The following KIF24 variants were observed in gnomAD, a reference collection of about 807,000 sequenced individuals.
KIF24 encodes the protein kinesin family member 24, also known as kinesin-like protein KIF24.
In KIF24, 81 loss-of-function variants were observed where a neutral mutation model predicts 118.9. The ratio of observed to expected loss-of-function variants is 0.68; its 90% confidence interval spans 0.57 to 0.82. The LOEUF (loss-of-function observed/expected upper bound fraction) is 0.82. Ranked by LOEUF, KIF24 falls within the 40% of genes least tolerant of loss-of-function variation. The pLI is 0.00. For synonymous variants in KIF24, 599 were observed against 610.0 expected, an observed-to-expected ratio of 0.98 and a Z score of 0.27; for missense variants, 1,560 against 1,661.6, an observed-to-expected ratio of 0.94 and a Z score of 1.06.
chr9:34,255,694 TGCCAAA>T (rs1834801357), intron 11 of KIF24, 35 bp downstream of exon 11: 1 of 1,524,624 alleles, frequency 6.6e-7, no homozygotes, highest in Non-Finnish European at 8.9e-7. Flanking sequence ...GGAGGGTGGG[TGCCAAA>T]GGGGCTCAAG....
intron 4 of KIF24, among the ~76,000 whole-genome samples, chr9:34,293,652 T>C (rs1487246419): frequency 1.3e-5 from 2 of 152,032 alleles, no homozygotes; most frequent in African/African-American, 2.4e-5. Flanking sequence ...GGCGGGCACC[T>C]GCAGTCCCAG....
chr9:34,263,621 A>G (rs1279800257), intron 8 of KIF24, among the ~76,000 whole-genome samples: 1 of 152,206 alleles, frequency 6.6e-6, no homozygotes, highest in Non-Finnish European at 1.5e-5. Flanking sequence ...CGTAGAGTCA[A>G]GCATAGATTC....
intron 5 of KIF24, among the ~76,000 whole-genome samples, chr9:34,288,848 C>CCACACA (rs10537521): frequency 0.024 from 3,296 of 138,906 alleles, 151 homozygotes; most frequent in African/African-American, 0.082. Flanking sequence ...CCCAAATAAA[C>CCACACA]CACACACACA....
chr9:34,268,505 C>CTTTT (rs1563939819), intron 8 of KIF24, among the ~76,000 whole-genome samples: 1 of 76,716 alleles, frequency 1.3e-5, no homozygotes, highest in African/African-American at 3.8e-5. Context: ...CTAGGATTTT[C>CTTTT]TTTCTTTTTT....
Position 34,256,858 on chromosome 9 carries a change from C to G in KIF24, c.2749G>C (p.Val917Leu), listed in dbSNP as rs377014366. Residue 917 changes from valine (V) to leucine (L), a missense_variant, in exon 11 of 13, where the codon GTG becomes CTG. Around this residue, in one of 3 missense-constraint regions of KIF24, gnomAD observed 591 missense variants for 655.6 expected, o/e 0.90. Transcript: ENST00000402558. ...GTAGAGTTCTCTCTGCTCCAGTCCA[C>G]GGGCCCCTTACTTGGGCTGCAGCTG... is the stretch of plus-strand genomic sequence containing the variant. ...DHSCSPSKGP[V>L]DWSRENSTSS... The G allele has an allele frequency of 6.8e-6, 11 of 1,613,872 alleles. No individual in the cohort carries two copies. In the African/African-American group the frequency reaches 1.5e-4, roughly 22 times the overall value.
intron 10 of KIF24, among the ~76,000 whole-genome samples, chr9:34,259,048 C>A (rs1185819862): frequency 1.3e-5 from 2 of 152,118 alleles, no homozygotes; most frequent in Non-Finnish European, 2.9e-5. Context: ...CCACAGTCAC[C>A]CACAAAGAGG....
intron 6 of KIF24, among the ~76,000 whole-genome samples, chr9:34,284,783 T>G (rs1835974147): frequency 6.6e-6 from 1 of 152,196 alleles, no homozygotes; most frequent in Non-Finnish European, 1.5e-5. Context: ...CAATGTTCTA[T>G]TTCTTGATCT....
intron 3 of KIF24, among the ~76,000 whole-genome samples, chr9:34,303,010 G>A (rs1425594207): frequency 6.6e-6 from 1 of 151,814 alleles, no homozygotes; most frequent in Non-Finnish European, 1.5e-5. Context: ...TCCTGACTTT[G>A]TGACCCACCT....
intron 5 of KIF24, among the ~76,000 whole-genome samples, chr9:34,289,786 G>A (rs1836182755): frequency 6.6e-6 from 1 of 152,050 alleles, no homozygotes; most frequent in Non-Finnish European, 1.5e-5. Context: ...AGATTATTTA[G>A]AGGAAAAACA....
intron 4 of KIF24, among the ~76,000 whole-genome samples, chr9:34,292,292 CT>C (rs1190791538): frequency 1.3e-5 from 2 of 152,166 alleles, no homozygotes; most frequent in African/African-American, 4.8e-5. Flanking sequence ...GTCTTTTTAT[CT>C]ATTGAAACAT....
At chr9:34,311,959 C>G (rs956294690) in intron 1 of KIF24, among the ~76,000 whole-genome samples, 6 of 151,974 alleles carry the variant, frequency 3.9e-5, no homozygotes, top group Non-Finnish European at 8.8e-5. Context: ...TTTAGATGCT[C>G]AACTTAATGT....
At chr9:34,280,425 C>A (rs1166897016) in intron 6 of KIF24, among the ~76,000 whole-genome samples, 1 of 151,686 alleles carries the variant, frequency 6.6e-6, no homozygotes. Flanking sequence ...TTGCTTCTTT[C>A]GCCTTTAATT....
At chr9:34,268,386 C>A (rs774787574) in intron 8 of KIF24, among the ~76,000 whole-genome samples, 1 of 152,010 alleles carries the variant, frequency 6.6e-6, no homozygotes, top group Non-Finnish European at 1.5e-5. Context: ...GGCTGATCTA[C>A]CTCAAGTGAT....
Position 34,311,361 on chromosome 9 carries a change from T to G in KIF24, c.-15A>C, listed in dbSNP as rs1432908738. 6.5e-7 allele frequency: 1 copy of G among 1,529,106 alleles called. No homozygotes were observed. The highest frequency in any genetic ancestry group is 8.8e-7 in the Non-Finnish European group (1 of 1,137,282). 94.7% of individuals were successfully genotyped at this position (1,529,106 alleles called of 1,614,324 possible). ...CAGGATGCCATTTTGGTGAATAGGT[T>G]TCTATAAACTCTGAAGAGAGAAAGA... On this transcript the variant is annotated 5_prime_UTR_variant, in exon 2 of 13. Transcript: ENST00000402558.
At chr9:34,286,061 C>T (rs1008648536) in intron 6 of KIF24, among the ~76,000 whole-genome samples, 5 of 151,778 alleles carry the variant, frequency 3.3e-5, no homozygotes, top group South Asian at 2.1e-4. Flanking sequence ...AGGCTGGGTG[C>T]GGTGGCTCAC....
intron 1 of KIF24, among the ~76,000 whole-genome samples, chr9:34,313,437 C>T (rs1251876874): frequency 6.6e-6 from 1 of 151,982 alleles, no homozygotes; most frequent in African/African-American, 2.4e-5. Context: ...ACTGCAATAT[C>T]TCTCTTTAAA....
chr9:34,257,768 G>C lies in KIF24; in HGVS notation c.1839C>G (p.Ser613Arg), dbSNP rs1404457422. Reference protein sequence around the residue: ...STRGKVHPLTSHPPNIPFTSA... With the variant: ...STRGKVHPLTRHPPNIPFTSA... ...AAGTAAAAGGAATGTTGGGTGGGTG[G>C]CTGGTCAGAGGATGGACCTTCCCTC... Residue 613 changes from serine to arginine, a missense_variant, in exon 11 of 13, where the codon AGC becomes AGG. Ser to Arg is a moderately radical substitution (Grantham distance 110). Around this residue, in one of 3 missense-constraint regions of KIF24, gnomAD observed 964 missense variants for 988.0 expected, o/e 0.98. Transcript: ENST00000402558. 2.5e-6 allele frequency: 4 copies of C among 1,614,018 alleles called. No homozygotes were observed. The Admixed American group carries it at 6.7e-5, about 27-fold the overall frequency.
At chr9:34,293,772 A>C (rs1025668745) in intron 4 of KIF24, among the ~76,000 whole-genome samples, 1 of 152,174 alleles carries the variant, frequency 6.6e-6, no homozygotes, top group African/African-American at 2.4e-5. Context: ...CTCCGTCTCA[A>C]AAAAAAGAAC....
chr9:34,298,798 A>G (rs570682561), intron 3 of KIF24, among the ~76,000 whole-genome samples: 1 of 152,308 alleles, frequency 6.6e-6, no homozygotes, highest in East Asian at 1.9e-4. Flanking sequence ...AAAAGCATCT[A>G]AATTATTTGA....
Sources: gnomAD v4.1 joint callset for allele counts (sites outside exome capture counted in the v4.1 genomes callset) on GRCh38, gnomAD v4.1.1 for gene constraint, gnomAD v4.1.1 regional missense constraint, MANE v1.5 for transcripts, NCBI Gene and HGNC (gene_info 2026-07-23, HGNC 2026-07-21) for gene names.